The following MED17 variants were observed in gnomAD, a reference collection of about 807,000 sequenced individuals.
MED17 encodes the protein mediator complex subunit 17.
Under a neutral mutation model 80.8 loss-of-function variants are expected in MED17, and 49 were observed. The observed-to-expected ratio is 0.61, with a 90% CI of 0.48 to 0.77. The LOEUF is 0.77. MED17 is among the 30% of genes least tolerant of loss of function. The pLI is 0.00. For missense variants in MED17, 718 were observed against 787.0 expected (o/e 0.91, Z 1.05); for synonymous variants, 281 against 280.4 (o/e 1.00, Z -0.02).
chr11:93,785,520 G>A (rs1943760352), intron 1 of MED17, among the ~76,000 whole-genome samples: 1 of 152,076 alleles, frequency 6.6e-6, no homozygotes, highest in African/African-American at 2.4e-5. Context: ...GTCATTTCAG[G>A]GCAGTGCTGT....
intron 11 of MED17, 194 bp downstream of exon 11, chr11:93,810,070 A>G (rs1241340182): frequency 1.6e-6 from 1 of 609,220 alleles, no homozygotes; most frequent in East Asian, 3.1e-5. Flanking sequence ...TAGTAATTAT[A>G]ATAAATGTTT....
intron 2 of MED17, 77 bp from the exon 3 acceptor site, chr11:93,790,497 T>G (rs1442874006): frequency 7.5e-7 from 1 of 1,333,328 alleles, no homozygotes; most frequent in African/African-American, 1.5e-5. Flanking sequence ...TCACTTCATT[T>G]TATTATTGAT....
At chr11:93,794,827 C>A in intron 5 of MED17, 81 bp from the exon 6 acceptor site, 1 of 1,422,606 alleles carries the variant, frequency 7.0e-7, no homozygotes, top group Non-Finnish European at 9.9e-7. Context: ...AAACTTTTGT[C>A]ATATGTATTC....
chr11:93,785,040 C>G (rs1943754409), intron 1 of MED17: 1 of 556,770 alleles, frequency 1.8e-6, no homozygotes, highest in Non-Finnish European at 3.2e-6. Flanking sequence ...CTGTAGAGGG[C>G]CTTTAATGTA....
At chr11:93,809,625 C>T (rs1027092507) in intron 10 of MED17, 92 bp from the exon 11 acceptor site, 31 of 1,333,112 alleles carry the variant, frequency 2.3e-5, no homozygotes, top group Non-Finnish European at 3.3e-5. Context: ...AGTCAGTGAG[C>T]ACCCCAACAA....
intron 9 of MED17, chr11:93,805,975 C>CTTT (rs71064787): frequency 0.026 from 1,689 of 65,610 alleles, 44 homozygotes; most frequent in Non-Finnish European, 0.039. Flanking sequence ...GACCCTGTCT[C>CTTT]TTTTTTTTTT....
At chr11:93,798,248 A>G (rs1943925569) in intron 8 of MED17, among the ~76,000 whole-genome samples, 1 of 152,210 alleles carries the variant, frequency 6.6e-6, no homozygotes, top group African/African-American at 2.4e-5. Flanking sequence ...GCCCAGGTCT[A>G]TGTAACGCCA....
intron 1 of MED17, 140 bp downstream of exon 1, chr11:93,784,903 G>A: frequency 8.1e-7 from 1 of 1,241,974 alleles, no homozygotes; most frequent in Non-Finnish European, 1.1e-6. Context: ...AAGGATACTT[G>A]GTCGTCATCT....
Position 93,814,560 on chromosome 11 carries a change from A to C in MED17, c.*2496A>C, listed in dbSNP as rs186795956. On this transcript the variant is annotated 3_prime_UTR_variant, in exon 12 of 12. Coordinates refer to ENST00000251871, the MANE Select transcript of MED17 (RefSeq NM_004268.5). ...TTTCCTTATATATAAATGAAGATAG[A>C]GGTGCCTCCTCTACTAACCTCAGTG... 2 of 152,306 alleles carry C rather than the reference A, an allele frequency of 1.3e-5. No individual in the cohort carries two copies. The highest frequency in any genetic ancestry group is 3.9e-4 in the East Asian group (2 of 5,180). The allele number at this position is 152,306 out of a possible 1,614,324, so 9.4% of individuals were successfully genotyped here. A position where few individuals can be genotyped will look rare whatever the true frequency, so the allele number is the denominator to read the frequency against.
intron 3 of MED17, among the ~76,000 whole-genome samples, chr11:93,791,174 T>G (rs944567700): frequency 1.1e-4 from 17 of 152,244 alleles, no homozygotes; most frequent in African/African-American, 3.6e-4. Flanking sequence ...AATGTATTAT[T>G]TCTCAGCTAT....
chr11:93,794,242 T>C, intron 5 of MED17: 1 of 435,242 alleles, frequency 2.3e-6, no homozygotes, highest in Admixed American at 3.6e-5. Context: ...TTCTCTCTTG[T>C]TGCCCAGGCT....
rs751379827 is a variant in MED17 at position 93,793,873 on chromosome 11, C to G, written c.774+9C>G. 3.3e-5 allele frequency: 53 copies of G among 1,613,424 alleles called. No homozygotes were observed. The highest frequency in any genetic ancestry group is 4.3e-5 in the Non-Finnish European group (51 of 1,179,630). ...GGTCTGCATATATCAAGGTATTTGT[C>G]AAAATATTTTTCAAGTAATTTCTTA... On this transcript the variant is annotated intron_variant, in intron 4 of 11. Transcript: ENST00000251871.
At chr11:93,794,807 G>C (rs1364860904) in intron 5 of MED17, 101 bp from the exon 6 acceptor site, 1 of 1,252,696 alleles carries the variant, frequency 8.0e-7, no homozygotes, top group Non-Finnish European at 1.2e-6. Context: ...CCGTAATGTA[G>C]TGTTTTCCTA....
At position 93,790,802 on chromosome 11, in the gene MED17, A is replaced by T; in HGVS notation, c.637+9A>T. 6.2e-7 allele frequency: 1 copy of T among 1,611,032 alleles called. No homozygotes were observed. The highest frequency in any genetic ancestry group is 8.5e-7 in the Non-Finnish European group (1 of 1,177,370). ...GAGCTACAGAAGTGCAGGTATGAAT[A>T]ATTATTAAAAACTATACTTTCTGGC... is the stretch of plus-strand genomic sequence containing the variant. On this transcript the variant is annotated intron_variant, in intron 3 of 11. Coordinates refer to ENST00000251871, the MANE Select transcript of MED17 (RefSeq NM_004268.5).
rs1219456353 is a variant in MED17 at position 93,788,137 on chromosome 11, T to C, written c.387T>C (p.Pro129=). The stretch of plus-strand genomic sequence containing the variant: ...ATAAAAAATTTATGACTCTTGATCC[T>C]GTCTCTCAGGATGCACTTCCTCCAA... ...VRDKKFMTLD[P]VSQDALPPKQ... is the part of the protein sequence containing the mutation. Residue 129 remains proline (P), a synonymous_variant, in exon 2 of 12, where the codon CCT becomes CCC. Coordinates refer to ENST00000251871, the MANE Select transcript of MED17 (RefSeq NM_004268.5). 1 of 1,613,410 alleles carries C rather than the reference T, an allele frequency of 6.2e-7. No individual in the cohort carries two copies. Among genetic ancestry groups the C allele is most frequent in the Non-Finnish European group, 8.5e-7 (1 of 1,179,458 alleles).
intron 3 of MED17, among the ~76,000 whole-genome samples, chr11:93,792,689 C>G (rs541107478): frequency 6.6e-6 from 1 of 152,274 alleles, no homozygotes; most frequent in East Asian, 1.9e-4. Flanking sequence ...CACCTGTAAT[C>G]TCAGCACTTT....
At chr11:93,799,446 GATTAC>G (rs1943938989) in intron 8 of MED17, among the ~76,000 whole-genome samples, 1 of 152,164 alleles carries the variant, frequency 6.6e-6, no homozygotes, top group African/African-American at 2.4e-5. Flanking sequence ...AAAGTGCTGG[GATTAC>G]AGGCGTGGGC....
Position 93,812,024 on chromosome 11 carries a change from T to C in MED17, c.1916T>C (p.Met639Thr). 6.2e-7 allele frequency: 1 copy of C among 1,614,122 alleles called. No individual in the cohort carries two copies. ...KMEGRNFVYKMELLMSALSPC... is the reference protein window; with the variant it reads ...KMEGRNFVYKTELLMSALSPC... ...GAAGGTCGAAATTTTGTTTATAAAATGGAGCTGCTTATGTCTGCACTTAGC... is the reference window on the plus strand; with the variant it reads ...GAAGGTCGAAATTTTGTTTATAAAACGGAGCTGCTTATGTCTGCACTTAGC... Residue 639 changes from methionine to threonine, a missense_variant, in exon 12 of 12, where the codon ATG becomes ACG. Met to Thr is a moderately conservative substitution (Grantham distance 81). Transcript: ENST00000251871.
At chr11:93,794,499 C>CT in intron 5 of MED17, 2 of 252,698 alleles carry the variant, frequency 7.9e-6, no homozygotes, top group East Asian at 1.1e-4. Context: ...CCACCAGCAC[C>CT]TTTTTTTAAG....
Sources: allele counts gnomAD v4.1 joint callset (sites outside exome capture counted in the v4.1 genomes callset), GRCh38; gene constraint gnomAD v4.1.1; transcripts MANE v1.5; gene names NCBI Gene and HGNC (gene_info 2026-07-23, HGNC 2026-07-21).